The following CCDC187 variants were observed in gnomAD, a reference collection of about 807,000 sequenced individuals.
CCDC187 encodes the protein coiled-coil domain-containing protein 187.
Under a neutral mutation model 38.0 loss-of-function variants are expected in CCDC187, and 32 were observed. The observed-to-expected ratio is 0.84, with a 90% CI of 0.64 to 1.13. CCDC187 has a LOEUF of 1.13. CCDC187 is among the 50% of genes most tolerant of loss of function. The pLI, the probability that CCDC187 is intolerant of heterozygous loss-of-function variation, is 0.00. For synonymous variants in CCDC187, 333 were observed against 347.9 expected (o/e 0.96, Z 0.48); for missense variants, 707 against 786.8 (o/e 0.90, Z 1.21).
At chr9:136,293,448 CAT>C (rs1831422936) in intron 4 of CCDC187, among the ~76,000 whole-genome samples, 2 of 65,914 alleles carry the variant, frequency 3.0e-5, no homozygotes, top group Non-Finnish European at 6.8e-5. Context: ...CACACTCACA[CAT>C]GCTCACACTC....
intron 9 of CCDC187, among the ~76,000 whole-genome samples, 173 bp from the exon 10 acceptor site, chr9:136,281,836 C>CG (rs1348917081): frequency 6.6e-6 from 1 of 151,974 alleles, no homozygotes; most frequent in South Asian, 2.1e-4. Context: ...AAAAGCCTGG[C>CG]GGGGGAAGGG....
At chr9:136,305,816 C>G (rs1264923206), upstream of CCDC187, among the ~76,000 whole-genome samples, 2 of 152,220 alleles carry the variant, frequency 1.3e-5, no homozygotes, top group Non-Finnish European at 2.9e-5. Flanking sequence ...TGCGAGTTGC[C>G]CCCACCACCG....
intron 4 of CCDC187, among the ~76,000 whole-genome samples, chr9:136,293,486 AACACATGCTCACACACTCACAAAC>A (rs1274539710): frequency 1.2e-4 from 6 of 51,808 alleles, no homozygotes; most frequent in Non-Finnish European, 2.5e-4. Flanking sequence ...CACACTCACA[AACACATGCTCACACACTCACAAAC>A]ACACATGCTC....
At chr9:136,293,231 A>T (rs1234681890) in intron 4 of CCDC187, among the ~76,000 whole-genome samples, 2 of 142,506 alleles carry the variant, frequency 1.4e-5, no homozygotes, top group Non-Finnish European at 3.1e-5. Flanking sequence ...ACTCACACTC[A>T]CACGCTCACA....
intron 3 of CCDC187, among the ~76,000 whole-genome samples, chr9:136,299,575 C>T (rs942893405): frequency 1.3e-5 from 2 of 152,360 alleles, no homozygotes; most frequent in Non-Finnish European, 2.9e-5. Flanking sequence ...CTGCCCAAGC[C>T]CAGCTCACGG....
chr9:136,291,046 T>C lies in CCDC187; in HGVS notation c.1567A>G (p.Lys523Glu), dbSNP rs972165283. Residue 523 changes from lysine to glutamate, a missense_variant, in exon 6 of 26, where the codon AAG (lysine) becomes GAG (glutamate). Physicochemically the swap from Lys to Glu is moderately conservative, Grantham distance 56. Coordinates refer to ENST00000638797, the MANE Select transcript of CCDC187 (RefSeq NM_001378188.1). ...GGCTGCTGGGGGAAGGGGCTCCGCT[T>C]TTCAGGGGGGCTCCCAGGCCTCTGG... ...SSQRPGSPPEKRSPFPQQPWS... is the reference protein window; with the variant it reads ...SSQRPGSPPEERSPFPQQPWS... The C allele has an allele frequency of 6.5e-4, 258 of 398,676 alleles. No homozygotes were observed. The highest frequency in any genetic ancestry group is 4.7e-3 in the African/African-American group (229 of 48,728). 24.7% of individuals were successfully genotyped at this position (398,676 alleles called of 1,614,324 possible).
chr9:136,302,712 G>T (rs1212951907), intron 2 of CCDC187, 100 bp downstream of exon 2: 3 of 397,824 alleles, frequency 7.5e-6, no homozygotes, highest in African/African-American at 6.2e-5. Context: ...CACCCGGCTG[G>T]CCCCCACCAC....
intron 9 of CCDC187, among the ~76,000 whole-genome samples, chr9:136,284,836 G>A (rs1405748628): frequency 2.0e-5 from 3 of 152,086 alleles, no homozygotes; most frequent in Non-Finnish European, 4.4e-5. Flanking sequence ...GGGAGCGGCC[G>A]CCTCGTGCAC....
In CCDC187 at chr9:136,254,086, T is replaced by A; in HGVS notation, c.5742A>T (p.Gly1914=). The part of the protein sequence containing the change: ...KGGETSGYQE[G]TRDADPSPST... ...ATGGGCTCGGGTCAGCATCCCGGGT[T>A]CCCTCCTGGTAGCCAGAAGTCTCTC... Residue 1914 remains glycine, a synonymous_variant, in exon 26 of 26, where the codon GGA becomes GGT. Coordinates refer to ENST00000638797, the MANE Select transcript of CCDC187 (RefSeq NM_001378188.1). 1.0e-6 allele frequency: 1 copy of A among 985,352 alleles called. No individual in the cohort carries two copies. The highest frequency in any genetic ancestry group is 1.2e-6 in the Non-Finnish European group (1 of 829,950). 61.0% of individuals were successfully genotyped at this position (985,352 alleles called of 1,614,324 possible). A position where few individuals can be genotyped will look rare whatever the true frequency, so the allele number is the denominator to read the frequency against.
intron 2 of CCDC187, among the ~76,000 whole-genome samples, chr9:136,301,412 G>A (rs1013402087): frequency 4.6e-5 from 7 of 152,160 alleles, no homozygotes; most frequent in Admixed American, 3.9e-4. Context: ...GAAGGGTCCC[G>A]GGGCTGGGAG....
Position 136,293,407 on chromosome 9 carries a change from ACT to A in CCDC187, c.833-1114_833-1113del, listed in dbSNP as rs1208341809. On this transcript the variant is annotated intron_variant, in intron 4 of 25. Coordinates refer to ENST00000638797, the MANE Select transcript of CCDC187 (RefSeq NM_001378188.1). ...CTCACATGCTCACACACTCACAAAC[ACT>A]CACATGCTCACATACTCTCACATGC... 1.5e-3 allele frequency among the ~76,000 whole-genome samples: 145 copies of A among 97,658 alleles called. 2 individuals carry two copies. The highest frequency in any genetic ancestry group is 6.2e-3 in the East Asian group (16 of 2,586). 64.1% of individuals were successfully genotyped at this position (97,658 alleles called of 152,430 possible).
upstream of CCDC187, among the ~76,000 whole-genome samples, chr9:136,306,502 C>T (rs1831806039): frequency 6.6e-6 from 1 of 152,140 alleles, no homozygotes. Flanking sequence ...GTTCCAGGGC[C>T]CCCAGTGCAC....
intron 14 of CCDC187, among the ~76,000 whole-genome samples, chr9:136,270,450 C>T (rs1322743442): frequency 6.6e-6 from 1 of 152,216 alleles, no homozygotes; most frequent in Non-Finnish European, 1.5e-5. Context: ...AGGCAGCATA[C>T]ATCAGCGTTT....
chr9:136,261,093 A>C (rs993866095), intron 19 of CCDC187, among the ~76,000 whole-genome samples: 1 of 152,028 alleles, frequency 6.6e-6, no homozygotes, highest in Admixed American at 6.5e-5. Context: ...CCTCCTCGGC[A>C]CGCGGCGTCT....
At chr9:136,279,199 TG>T (rs1830991995) in intron 10 of CCDC187, among the ~76,000 whole-genome samples, 1 of 152,334 alleles carries the variant, frequency 6.6e-6, no homozygotes, top group East Asian at 1.9e-4. Context: ...TGGACAGCTC[TG>T]GTCTGGGTGT....
chr9:136,262,286 G>A (rs371086672), intron 19 of CCDC187, 25 bp downstream of exon 19: 13 of 985,518 alleles, frequency 1.3e-5, no homozygotes, highest in South Asian at 4.7e-5. Flanking sequence ...CCCGACCCCC[G>A]ACCCCCTAAG....
At chr9:136,259,315 C>T (rs1263373884) in intron 21 of CCDC187, 48 bp downstream of exon 21, 2 of 886,196 alleles carry the variant, frequency 2.3e-6, no homozygotes, top group African/African-American at 1.8e-5. Context: ...GGGGGTGGTC[C>T]CTGAAACAGG....
rs1554761436 is a variant in CCDC187, at chr9:136,264,980, G to A, written c.3735+976C>T. Reference sequence around the variant, plus strand: ...TTGCCCAGGCCTGTCTCACATTCCTGGGCTCAAGCGATCCTCCCACCTTGG... The same window carrying A: ...TTGCCCAGGCCTGTCTCACATTCCTAGGCTCAAGCGATCCTCCCACCTTGG... On this transcript the variant is annotated intron_variant, in intron 17 of 25. Coordinates refer to ENST00000638797, the MANE Select transcript of CCDC187 (RefSeq NM_001378188.1). This position sits in a 1 kb window ranked among gnomAD's most constrained non-coding sequence, Gnocchi z 4.3. Among the ~76,000 whole-genome samples, 1 of 152,140 alleles carries A rather than the reference G, an allele frequency of 6.6e-6. No homozygotes were observed. The highest frequency in any genetic ancestry group is 1.5e-5 in the Non-Finnish European group (1 of 68,016).
In CCDC187 at chr9:136,252,215, A is replaced by G. The variant is rs536383953; in HGVS notation, c.*1379T>C. 1 of 118,398 alleles carries G rather than the reference A, an allele frequency of 8.4e-6. No individual in the cohort carries two copies. The highest frequency in any genetic ancestry group is 2.9e-4 in the East Asian group (1 of 3,430). The allele number at this position is 118,398 out of a possible 1,614,324, so 7.3% of individuals were successfully genotyped here. A position where few individuals can be genotyped will look rare whatever the true frequency, so the allele number is the denominator to read the frequency against. On this transcript the variant is annotated 3_prime_UTR_variant, in exon 26 of 26. Coordinates refer to ENST00000638797, the MANE Select transcript of CCDC187 (RefSeq NM_001378188.1). ...GCCGCCCACCCGGCCCACCCTGGGA[A>G]GAGCCGGCCGCCCACCCAGTCCACC...
Sources: allele counts gnomAD v4.1 joint callset (sites outside exome capture counted in the v4.1 genomes callset), GRCh38; gene constraint gnomAD v4.1.1; non-coding constraint Gnocchi (gnomAD v3.1); transcripts MANE v1.5; gene names NCBI Gene and HGNC (gene_info 2026-07-23, HGNC 2026-07-21).